Variants in CAMK1D observed in about 807,000 individuals in gnomAD.
CAMK1D encodes the protein calcium/calmodulin dependent protein kinase ID.
CAMK1D carries 9 observed loss-of-function variants against 47.7 expected under a neutral mutation model. The observed-to-expected ratio is 0.19, with a 90% CI of 0.11 to 0.33. The LOEUF (loss-of-function observed/expected upper bound fraction) is 0.33. CAMK1D is among the 10% of genes least tolerant of loss of function. The pLI is 1.00. For missense variants in CAMK1D, 291 were observed against 488.7 expected (o/e 0.60, Z 3.81); for synonymous variants, 184 against 184.9 (o/e 0.99, Z 0.04).
chr10:12,392,100 C>T (rs371502205), intron 1 of CAMK1D, among the ~76,000 whole-genome samples: 15 of 151,856 alleles, frequency 9.9e-5, no homozygotes, highest in East Asian at 7.7e-4. Flanking sequence ...GTCAGGAGTT[C>T]GAGACCAGCC....
At chr10:12,693,992 T>C in intron 3 of CAMK1D, among the ~76,000 whole-genome samples, 1 of 74,324 alleles carries the variant, frequency 1.3e-5, no homozygotes, top group Admixed American at 2.4e-4. Context: ...TATATATACA[T>C]ATAATATATA....
chr10:12,506,798 G>T (rs1216148736), intron 1 of CAMK1D, among the ~76,000 whole-genome samples: 3 of 152,148 alleles, frequency 2.0e-5, no homozygotes, highest in Non-Finnish European at 2.9e-5. Flanking sequence ...GATTACAGGC[G>T]TGAGCCACCG....
chr10:12,366,382 C>T (rs1837834218), intron 1 of CAMK1D, among the ~76,000 whole-genome samples: 1 of 151,880 alleles, frequency 6.6e-6, no homozygotes, highest in Non-Finnish European at 1.5e-5. Flanking sequence ...GGGCTGGGCT[C>T]AGTGGCTCAC....
At chr10:12,785,072 C>T (rs1034016881) in intron 5 of CAMK1D, among the ~76,000 whole-genome samples, 5 of 152,178 alleles carry the variant, frequency 3.3e-5, no homozygotes, top group Non-Finnish European at 5.9e-5. Flanking sequence ...TGAGTACAGC[C>T]GCCCCCACGC....
intron 1 of CAMK1D, among the ~76,000 whole-genome samples, chr10:12,393,758 C>T (rs1385721283): frequency 6.6e-6 from 1 of 152,124 alleles, no homozygotes; most frequent in Non-Finnish European, 1.5e-5. Context: ...AAGGTGGGGA[C>T]GGTGGCTGAG....
Position 12,502,383 on chromosome 10 carries a change from A to G in CAMK1D, c.93-50842A>G, listed in dbSNP as rs557766011. ...CCAATCCTGGCCTGTTTCTCAGGTT[A>G]CCAGTGAGAAAATCAGGTGTAGGGC... On this transcript the variant is annotated intron_variant, in intron 1 of 10. Coordinates refer to ENST00000619168, the MANE Select transcript of CAMK1D (RefSeq NM_153498.4). Among the ~76,000 whole-genome samples, 12 of 152,270 alleles carry G rather than the reference A, an allele frequency of 7.9e-5. No individual in the cohort carries two copies. The South Asian group carries it at 2.5e-3, about 32-fold the overall frequency.
At chr10:12,818,726 A>G (rs1781028446) in intron 8 of CAMK1D, among the ~76,000 whole-genome samples, 1 of 151,876 alleles carries the variant, frequency 6.6e-6, no homozygotes, top group East Asian at 1.9e-4. Context: ...GCTAGCTAAT[A>G]GCAAAGCCAG....
chr10:12,565,521 T>C (rs746624806), intron 2 of CAMK1D, among the ~76,000 whole-genome samples: 3 of 152,248 alleles, frequency 2.0e-5, no homozygotes, highest in Non-Finnish European at 2.9e-5. Flanking sequence ...CCCAAAGTGC[T>C]GGAATTACAG....
At chr10:12,402,952 A>G (rs1408353441) in intron 1 of CAMK1D, among the ~76,000 whole-genome samples, 2 of 152,120 alleles carry the variant, frequency 1.3e-5, no homozygotes, top group African/African-American at 2.4e-5. Flanking sequence ...CTCCAGGGCT[A>G]GAATAAGATA....
intron 3 of CAMK1D, among the ~76,000 whole-genome samples, chr10:12,736,344 C>A (rs1835185323): frequency 6.6e-6 from 1 of 152,196 alleles, no homozygotes; most frequent in South Asian, 2.1e-4. Flanking sequence ...GCCAAGTAGC[C>A]TTGCCCCAGA....
At chr10:12,728,438 T>C (rs1398700526) in intron 3 of CAMK1D, among the ~76,000 whole-genome samples, 1 of 152,202 alleles carries the variant, frequency 6.6e-6, no homozygotes, top group Admixed American at 6.5e-5. Flanking sequence ...CTGGGAGTAA[T>C]TGGCCACTAC....
rs1379559896 is a variant in CAMK1D at position 12,621,802 on chromosome 10, TG to T, written c.225-44933del. On this transcript the variant is annotated intron_variant, in intron 2 of 10. Transcript: ENST00000619168. ...GCTGAACTTACTTTTTAGTTCTAGT[TG>T]TGTGTGTGTGTATGTGTGTGTGTAC... Among the ~76,000 whole-genome samples, 3 of 48,972 alleles carry T rather than the reference TG, an allele frequency of 6.1e-5. No homozygotes were observed. The Admixed American group carries it at 8.9e-4, about 15-fold the overall frequency. 32.1% of individuals were successfully genotyped at this position (48,972 alleles called of 152,430 possible). A position where few individuals can be genotyped will look rare whatever the true frequency, so the allele number is the denominator to read the frequency against.
chr10:12,484,081 C>T (rs1834140804), intron 1 of CAMK1D, among the ~76,000 whole-genome samples: 1 of 152,164 alleles, frequency 6.6e-6, no homozygotes. Flanking sequence ...ATCCTGGACT[C>T]GTAGAAGGCA....
chr10:12,743,346 C>CAAAAAAAAAAAAAAAAA (rs199673328), intron 3 of CAMK1D, among the ~76,000 whole-genome samples: 7 of 92,350 alleles, frequency 7.6e-5, no homozygotes, highest in African/African-American at 3.8e-4. Flanking sequence ...GACCCTGTCT[C>CAAAAAAAAAAAAAAAAA]AAAAAAAAAA....
chr10:12,719,622 G>A (rs904726298), intron 3 of CAMK1D, among the ~76,000 whole-genome samples: 1 of 152,056 alleles, frequency 6.6e-6, no homozygotes, highest in African/African-American at 2.4e-5. Flanking sequence ...GAGCCACTTT[G>A]CACTAACCTT....
chr10:12,369,678 G>A (rs1471316694), intron 1 of CAMK1D, among the ~76,000 whole-genome samples: 2 of 152,118 alleles, frequency 1.3e-5, no homozygotes, highest in Non-Finnish European at 2.9e-5. Context: ...CATTATGTTG[G>A]CCAGGCGTGG....
At chr10:12,676,429 C>G (rs948159923) in intron 3 of CAMK1D, among the ~76,000 whole-genome samples, 21 of 152,224 alleles carry the variant, frequency 1.4e-4, no homozygotes, top group African/African-American at 3.6e-4. Flanking sequence ...TTCTTTCTCT[C>G]TGTAGCACTT....
chr10:12,666,922 G>A lies in CAMK1D; in HGVS notation c.299+112G>A, dbSNP rs935007297. 3.5e-6 allele frequency: 3 copies of A among 846,224 alleles called. No individual in the cohort carries two copies. The African/African-American group carries it at 5.1e-5, about 14-fold the overall frequency. The allele number at this position is 846,224 out of a possible 1,614,324, so 52.4% of individuals were successfully genotyped here. A position where few individuals can be genotyped will look rare whatever the true frequency, so the allele number is the denominator to read the frequency against. On this transcript the variant is annotated intron_variant, in intron 3 of 10. Coordinates refer to ENST00000619168, the MANE Select transcript of CAMK1D (RefSeq NM_153498.4). ...AGTGGGCCAGGTAAGGCAGTAGGGA[G>A]CAGGGAGGCCTGTGGGATACTAGAG...
intron 1 of CAMK1D, among the ~76,000 whole-genome samples, chr10:12,440,750 A>G (rs1011434845): frequency 2.6e-5 from 4 of 152,354 alleles, no homozygotes; most frequent in African/African-American, 9.6e-5. Flanking sequence ...CACAGGTGAT[A>G]AAACATGGTT....
Sources: gnomAD v4.1 joint callset for allele counts (sites outside exome capture counted in the v4.1 genomes callset) on GRCh38, gnomAD v4.1.1 for gene constraint, MANE v1.5 for transcripts, NCBI Gene and HGNC (gene_info 2026-07-23, HGNC 2026-07-21) for gene names.